The following TMEM41B variants were observed in gnomAD, a reference collection of about 807,000 sequenced individuals.
The protein encoded by TMEM41B is protein stasimon.
Under a neutral mutation model 31.9 loss-of-function variants are expected in TMEM41B, and 18 were observed. That is an observed-to-expected ratio of 0.56 (90% CI 0.39 to 0.84). TMEM41B has a LOEUF of 0.84. Ranked by LOEUF, TMEM41B falls within the 40% of genes least tolerant of loss-of-function variation. The pLI is 0.00. For synonymous variants in TMEM41B, 144 were observed against 124.3 expected (o/e 1.16, Z -1.05); for missense variants, 322 against 348.0 (o/e 0.93, Z 0.59).
At chr11:9,304,753 G>A (rs1002215847) in intron 1 of TMEM41B, among the ~76,000 whole-genome samples, 4 of 152,048 alleles carry the variant, frequency 2.6e-5, no homozygotes, top group African/African-American at 9.7e-5. Flanking sequence ...CGCCTCCTGG[G>A]TTCAAGCAAT....
chr11:9,284,859 T>C (rs1852801100), intron 6 of TMEM41B, among the ~76,000 whole-genome samples: 1 of 151,936 alleles, frequency 6.6e-6, no homozygotes, highest in South Asian at 2.1e-4. Flanking sequence ...TATACAAAAG[T>C]ACATAGAGAA....
At chr11:9,311,225 C>G (rs1337678928) in intron 1 of TMEM41B, 3 of 1,470,324 alleles carry the variant, frequency 2.0e-6, no homozygotes, top group Non-Finnish European at 2.8e-6. Flanking sequence ...GCATCTGAAG[C>G]TTGATAGGAG....
rs2133610297 is a variant in TMEM41B at position 9,286,612 on chromosome 11, G to C, written c.568-19C>G. 6.3e-7 allele frequency: 1 copy of C among 1,581,934 alleles called. No individual in the cohort carries two copies. The highest frequency in any genetic ancestry group is 8.6e-7 in the Non-Finnish European group (1 of 1,167,742). ...GTTCAACCTGTCATAAGAAAGAAAA[G>C]AATTAGCATCAGATGAGGACAACTT... On this transcript the variant is annotated intron_variant, in intron 5 of 6. Transcript: ENST00000528080.
chr11:9,293,332 G>T (rs923809885), intron 3 of TMEM41B, among the ~76,000 whole-genome samples: 1 of 151,970 alleles, frequency 6.6e-6, no homozygotes, highest in African/African-American at 2.4e-5. Context: ...CGAACCACTG[G>T]CCTCACGCAA....
At position 9,299,714 on chromosome 11, in the gene TMEM41B, A is replaced by G. The variant is rs1853199787; in HGVS notation, c.122-13T>C. The G allele has an allele frequency of 6.6e-7, 1 of 1,523,842 alleles. No homozygotes were observed. The highest frequency in any genetic ancestry group is 9.0e-7 in the Non-Finnish European group (1 of 1,106,638). 94.4% of individuals were successfully genotyped at this position (1,523,842 alleles called of 1,614,324 possible). On this transcript the variant is annotated splice_polypyrimidine_tract_variant and intron_variant, in intron 1 of 6. Coordinates refer to ENST00000528080, the MANE Select transcript of TMEM41B (RefSeq NM_015012.4). ...ACCCAGGATTTTTCTGGAAGAAAAA[A>G]GAAAGTATAATTAAGATAAATATAA...
chr11:9,306,346 T>C (rs1739967753), intron 1 of TMEM41B, among the ~76,000 whole-genome samples: 1 of 152,064 alleles, frequency 6.6e-6, no homozygotes, highest in Non-Finnish European at 1.5e-5. Context: ...TACCCTATTA[T>C]GTGCTTTTCC....
rs760231133 is a variant in TMEM41B, at chr11:9,314,347, G to A, written c.95C>T (p.Ala32Val). The A allele has an allele frequency of 1.3e-4, 207 of 1,594,922 alleles. No homozygotes were observed. Among genetic ancestry groups the A allele is most frequent in the Non-Finnish European group, 1.7e-4 (201 of 1,173,218 alleles). Residue 32 changes from alanine (A) to valine (V), a missense_variant, in exon 1 of 7, where the codon GCG becomes GTG. By Grantham distance (64) the Ala-to-Val change is moderately conservative (BLOSUM62 0). Around this residue, in one of 3 missense-constraint regions of TMEM41B, gnomAD observed 183 missense variants for 175.3 expected, o/e 1.04. Transcript: ENST00000528080. Reference sequence around the variant, plus strand: ...CTTCTGGTGGTCTCTGCTGCCAGGCGCCGCGAGACCCCGCGTCCCCGCTGC... The same window carrying A: ...CTTCTGGTGGTCTCTGCTGCCAGGCACCGCGAGACCCCGCGTCCCCGCTGC... Reference protein sequence around the residue: ...DGAAGTRGLAAPGSRDHQKEK... With the variant: ...DGAAGTRGLAVPGSRDHQKEK...
intron 6 of TMEM41B, among the ~76,000 whole-genome samples, chr11:9,286,129 G>A: frequency 6.6e-6 from 1 of 152,076 alleles, no homozygotes; most frequent in East Asian, 1.9e-4. Flanking sequence ...AAGGGGAAGG[G>A]ACATAGGAGA....
At chr11:9,305,283 T>C (rs1853361209) in intron 1 of TMEM41B, among the ~76,000 whole-genome samples, 1 of 152,152 alleles carries the variant, frequency 6.6e-6, no homozygotes, top group Non-Finnish European at 1.5e-5. Flanking sequence ...TGTATATTTT[T>C]TCAGGATGTC....
At chr11:9,283,757 A>G (rs1852774670) in intron 6 of TMEM41B, among the ~76,000 whole-genome samples, 164 bp from the exon 7 acceptor site, 1 of 152,030 alleles carries the variant, frequency 6.6e-6, no homozygotes, top group Non-Finnish European at 1.5e-5. Context: ...AAAGAATTCA[A>G]TCTTTCCTAA....
chr11:9,303,658 T>C (rs1053053456), intron 1 of TMEM41B, among the ~76,000 whole-genome samples: 24 of 141,050 alleles, frequency 1.7e-4, no homozygotes, highest in African/African-American at 2.4e-4. Context: ...TTCTTTTTTT[T>C]TTTTTTTTTT....
At chr11:9,288,344 A>G in intron 4 of TMEM41B, 98 bp downstream of exon 4, 3 of 789,146 alleles carry the variant, frequency 3.8e-6, no homozygotes, top group Non-Finnish European at 5.7e-6. Flanking sequence ...TCAATTAATG[A>G]GTTTATGCTT....
intron 1 of TMEM41B, among the ~76,000 whole-genome samples, chr11:9,309,758 T>G (rs898752534): frequency 6.6e-6 from 1 of 150,586 alleles, no homozygotes; most frequent in African/African-American, 2.4e-5. Context: ...CCATCTCTAC[T>G]AAAAATACAA....
intron 1 of TMEM41B, among the ~76,000 whole-genome samples, chr11:9,304,608 C>G (rs1471975401): frequency 6.6e-6 from 1 of 151,950 alleles, no homozygotes; most frequent in South Asian, 2.1e-4. Flanking sequence ...GCCTCAGCCT[C>G]CTGACTAGCT....
At chr11:9,290,526 G>T (rs1281684225) in intron 3 of TMEM41B, among the ~76,000 whole-genome samples, 1 of 150,690 alleles carries the variant, frequency 6.6e-6, no homozygotes, top group South Asian at 2.1e-4. Flanking sequence ...CTGTGCACAT[G>T]TACCCCAGAA....
chr11:9,312,891 G>A (rs1344617678), intron 1 of TMEM41B, among the ~76,000 whole-genome samples: 11 of 131,760 alleles, frequency 8.3e-5, no homozygotes, highest in East Asian at 2.2e-4. Flanking sequence ...GTGACAGACC[G>A]AGACTCCGTC....
In TMEM41B at chr11:9,297,605, T is replaced by A. The variant is rs112411314; in HGVS notation, c.239+1979A>T. On this transcript the variant is annotated intron_variant, in intron 2 of 6. Transcript: ENST00000528080. The stretch of plus-strand genomic sequence containing the variant: ...TACTTGGGAGCCTGAGGCAGGAGAA[T>A]CGCTTGAACTGGGAGGTGGGGGCTG... Among the ~76,000 whole-genome samples, 1,085 of 152,160 alleles carry A rather than the reference T, an allele frequency of 7.1e-3. 10 individuals carry two copies. The highest frequency in any genetic ancestry group is 0.025 in the African/African-American group (1,049 of 41,542).
chr11:9,283,336 C>T lies in TMEM41B; in HGVS notation c.*88G>A. On this transcript the variant is annotated 3_prime_UTR_variant, in exon 7 of 7. Coordinates refer to ENST00000528080, the MANE Select transcript of TMEM41B (RefSeq NM_015012.4). ...ATTTTACAAATTCCTTGTTTAATTA[C>T]TGAAGAGGTGATTTTAAAACATAAA... is the stretch of plus-strand genomic sequence containing the variant. 9.9e-7 allele frequency: 1 copy of T among 1,012,586 alleles called. No homozygotes were observed. The highest frequency in any genetic ancestry group is 1.7e-5 in the South Asian group (1 of 57,222). The allele number at this position is 1,012,586 out of a possible 1,614,324, so 62.7% of individuals were successfully genotyped here. A position where few individuals can be genotyped will look rare whatever the true frequency, so the allele number is the denominator to read the frequency against.
intron 1 of TMEM41B, among the ~76,000 whole-genome samples, chr11:9,302,477 G>C (rs1853285831): frequency 1.0e-5 from 1 of 99,636 alleles, no homozygotes; most frequent in Non-Finnish European, 2.1e-5. Flanking sequence ...ACCCCCGCAA[G>C]AGACAGGGTC....
Sources: gnomAD v4.1 joint callset for allele counts (sites outside exome capture counted in the v4.1 genomes callset) on GRCh38, gnomAD v4.1.1 for gene constraint, gnomAD v4.1.1 regional missense constraint, MANE v1.5 for transcripts, NCBI Gene and HGNC (gene_info 2026-07-23, HGNC 2026-07-21) for gene names.